Variants in FAM222B observed in about 807,000 individuals in gnomAD.
FAM222B encodes the protein family with sequence similarity 222 member B.
A neutral mutation model predicts 38.0 loss-of-function variants in FAM222B; 12 were observed. That is an observed-to-expected ratio of 0.32 (90% CI 0.20 to 0.51). The LOEUF (loss-of-function observed/expected upper bound fraction) is 0.51, where lower values mean the gene tolerates loss of function less well. Ranked by LOEUF, FAM222B falls within the 20% of genes least tolerant of loss-of-function variation. The pLI, the probability that FAM222B is intolerant of heterozygous loss-of-function variation, is 0.97. For synonymous variants in FAM222B, 329 were observed against 317.2 expected (o/e 1.04, Z -0.40); for missense variants, 716 against 754.2 (o/e 0.95, Z 0.59).
chr17:28,792,487 A>G (rs1241333107), intron 1 of FAM222B, among the ~76,000 whole-genome samples: 1 of 151,264 alleles, frequency 6.6e-6, no homozygotes, highest in Non-Finnish European at 1.5e-5. Context: ...CTCAAGAAAG[A>G]AGAAACAAAC....
At chr17:28,791,313 T>G in intron 1 of FAM222B, among the ~76,000 whole-genome samples, 1 of 152,096 alleles carries the variant, frequency 6.6e-6, no homozygotes, top group Non-Finnish European at 1.5e-5. Context: ...CTCATTTATC[T>G]TAATGGAGAA....
At chr17:28,798,971 T>C (rs1173110192) in intron 1 of FAM222B, among the ~76,000 whole-genome samples, 2 of 143,822 alleles carry the variant, frequency 1.4e-5, no homozygotes, top group Non-Finnish European at 3.1e-5. Context: ...AATGGAATCC[T>C]GTTGTTTTTT....
At chr17:28,763,575 T>C (rs1318442121) in intron 2 of FAM222B, among the ~76,000 whole-genome samples, 1 of 152,244 alleles carries the variant, frequency 6.6e-6, no homozygotes, top group Non-Finnish European at 1.5e-5. Flanking sequence ...ACAGGTGGCA[T>C]AGGCAACAGG....
At chr17:28,770,569 ATAT>A (rs1567805735) in intron 1 of FAM222B, among the ~76,000 whole-genome samples, 7 of 138,964 alleles carry the variant, frequency 5.0e-5, no homozygotes, top group Admixed American at 7.3e-5. Context: ...TGCCCAGCTA[ATAT>A]TTTTTTTTTT....
intron 1 of FAM222B, among the ~76,000 whole-genome samples, chr17:28,822,197 T>G (rs1017404935): frequency 6.6e-6 from 1 of 150,776 alleles, no homozygotes; most frequent in African/African-American, 2.4e-5. Flanking sequence ...AATTTGTATA[T>G]TTTTAGTACA....
intron 1 of FAM222B, among the ~76,000 whole-genome samples, chr17:28,768,644 G>T (rs567055941): frequency 2.0e-5 from 3 of 151,798 alleles, no homozygotes; most frequent in African/African-American, 7.3e-5. Flanking sequence ...CGAGAACAGC[G>T]TGGCCAACGT....
rs758472939 is a variant in FAM222B at position 28,759,074 on chromosome 17, G to A, written c.885C>T (p.Pro295=). 6.2e-7 allele frequency: 1 copy of A among 1,612,092 alleles called. No individual in the cohort carries two copies. The highest frequency in any genetic ancestry group is 8.5e-7 in the Non-Finnish European group (1 of 1,179,132). ...TSVCEGQIAN[P]SPISRSLLIN... is the part of the protein sequence containing the mutation. ...TGAGCAGACTGCGACTAATGGGGCT[G>A]GGGTTGGCGATCTGGCCCTCACACA... is the stretch of plus-strand genomic sequence containing the variant. Residue 295 remains proline, a synonymous_variant, in exon 3 of 3, where the codon CCC becomes CCT. Coordinates refer to ENST00000581407, the MANE Select transcript of FAM222B (RefSeq NM_001077498.3). The surrounding 1 kb of genome is among the most constrained non-coding windows in gnomAD (Gnocchi z 4.8).
chr17:28,762,832 C>T (rs527679680), intron 2 of FAM222B, among the ~76,000 whole-genome samples: 3 of 145,820 alleles, frequency 2.1e-5, no homozygotes, highest in East Asian at 2.1e-4. Flanking sequence ...CCCAGCTACT[C>T]GGGAGGCTGA....
At position 28,809,153 on chromosome 17, in the gene FAM222B, C is replaced by T. The variant is rs564349632; in HGVS notation, c.-41+33529G>A. On this transcript the variant is annotated intron_variant, in intron 1 of 2. Coordinates refer to ENST00000581407, the MANE Select transcript of FAM222B (RefSeq NM_001077498.3). The stretch of plus-strand genomic sequence containing the variant: ...TGGACCATCTGAGGTCAGTTTGAGA[C>T]CACCCTGGCCAACATGGTGAAACCC... Among the ~76,000 whole-genome samples the T allele has an allele frequency of 3.3e-5, 5 of 152,170 alleles. No homozygotes were observed. In the East Asian group the frequency reaches 9.7e-4, roughly 29 times the overall value.
intron 1 of FAM222B, among the ~76,000 whole-genome samples, chr17:28,832,941 C>T (rs1285878677): frequency 6.7e-6 from 1 of 148,170 alleles, no homozygotes; most frequent in East Asian, 2.0e-4. Context: ...GAGGCTGAGC[C>T]AGGAGGATCA....
chr17:28,775,885 AAAAAAAACAAAAACAAAAAC>A (rs2035866698), intron 1 of FAM222B, among the ~76,000 whole-genome samples: 1 of 151,052 alleles, frequency 6.6e-6, no homozygotes, highest in Non-Finnish European at 1.5e-5. Context: ...CATCTCCAAA[AAAAAAAACAAAAACAAAAAC>A]AAAAAAACAA....
At chr17:28,839,810 C>T (rs1236730158) in intron 1 of FAM222B, among the ~76,000 whole-genome samples, 1 of 152,046 alleles carries the variant, frequency 6.6e-6, no homozygotes, top group Non-Finnish European at 1.5e-5. Context: ...TTATACATCA[C>T]TGTGCATTTC....
chr17:28,845,644 C>T (rs1430969187), upstream of FAM222B, among the ~76,000 whole-genome samples: 2 of 151,664 alleles, frequency 1.3e-5, no homozygotes, highest in African/African-American at 4.8e-5. Context: ...ACCTGTAATC[C>T]CAGCACTTTG....
At chr17:28,798,865 C>G (rs904785779) in intron 1 of FAM222B, among the ~76,000 whole-genome samples, 6 of 152,146 alleles carry the variant, frequency 3.9e-5, no homozygotes, top group South Asian at 2.1e-4. Flanking sequence ...GATCCACCCG[C>G]CTCGGCCTCC....
At chr17:28,797,047 G>A (rs2036976631) in intron 1 of FAM222B, among the ~76,000 whole-genome samples, 1 of 133,786 alleles carries the variant, frequency 7.5e-6, no homozygotes, top group Non-Finnish European at 1.5e-5. Flanking sequence ...CTGTCACCCA[G>A]GCTAGAGTAC....
In FAM222B at chr17:28,829,219, T is replaced by C. The variant is rs1157938093; in HGVS notation, c.-41+13463A>G. Among the ~76,000 whole-genome samples, 4 of 202 alleles carry C rather than the reference T, an allele frequency of 0.02. No individual in the cohort carries two copies. The Non-Finnish European group carries it at 0.25, about 13-fold the overall frequency. 0.1% of individuals were successfully genotyped at this position (202 alleles called of 152,430 possible). A position where few individuals can be genotyped will look rare whatever the true frequency, so the allele number is the denominator to read the frequency against. ...ACGCTTGGCCACCCTCTCTCTACTCTTTTTTTTTTTTTGAGACGTGGTTTC... is the reference window on the plus strand; with the variant it reads ...ACGCTTGGCCACCCTCTCTCTACTCCTTTTTTTTTTTTGAGACGTGGTTTC... On this transcript the variant is annotated intron_variant, in intron 1 of 2. Coordinates refer to ENST00000581407, the MANE Select transcript of FAM222B (RefSeq NM_001077498.3).
Position 28,759,409 on chromosome 17 carries a change from G to A in FAM222B, c.550C>T (p.Leu184=). The A allele has an allele frequency of 6.3e-7, 1 of 1,595,156 alleles. No individual in the cohort carries two copies. The highest frequency in any genetic ancestry group is 8.5e-7 in the Non-Finnish European group (1 of 1,172,282). The change falls in exon 3 of 3, where the codon CTG becomes TTG. Residue 184 remains leucine (L), a synonymous_variant. Transcript: ENST00000581407. This position sits in a 1 kb window ranked among gnomAD's most constrained non-coding sequence, Gnocchi z 4.8. ...HPQGIPPPQA[L]SHPQSLQQPQ... The stretch of plus-strand genomic sequence containing the variant: ...TGCTGGAGGCTCTGAGGGTGGGACA[G>A]TGCCTGGGGTGGCGGGATACCCTGA...
At chr17:28,774,015 G>A (rs963553834) in intron 1 of FAM222B, among the ~76,000 whole-genome samples, 2 of 152,202 alleles carry the variant, frequency 1.3e-5, no homozygotes, top group Non-Finnish European at 2.9e-5. Flanking sequence ...ACATATTCTA[G>A]AAAGCAGAGA....
chr17:28,844,167 C>T (rs1156392416), upstream of FAM222B, among the ~76,000 whole-genome samples: 1 of 152,070 alleles, frequency 6.6e-6, no homozygotes, highest in African/African-American at 2.4e-5. Flanking sequence ...GAGAATTCAA[C>T]AAAACAGACT....
Sources: allele counts gnomAD v4.1 joint callset (sites outside exome capture counted in the v4.1 genomes callset), GRCh38; gene constraint gnomAD v4.1.1; non-coding constraint Gnocchi (gnomAD v3.1); transcripts MANE v1.5; gene names NCBI Gene and HGNC (gene_info 2026-07-23, HGNC 2026-07-21).